The following MCUR1 variants were observed in gnomAD, a reference collection of about 807,000 sequenced individuals.
MCUR1 encodes the protein MCU regulator 1.
A neutral mutation model predicts 42.0 loss-of-function variants in MCUR1; 37 were observed. The ratio of observed to expected loss-of-function variants is 0.88; its 90% CI spans 0.68 to 1.16. The LOEUF (loss-of-function observed/expected upper bound fraction) is 1.16. MCUR1 is among the 50% of genes most tolerant of loss of function. MCUR1 has a pLI of 0.00. For synonymous variants in MCUR1, 229 were observed against 196.2 expected, an observed-to-expected ratio of 1.17 and a Z score of -1.40; for missense variants, 469 against 468.4, an observed-to-expected ratio of 1.00 and a Z score of -0.01.
At chr6:13,807,159 C>T (rs1308202668) in intron 1 of MCUR1, 115 bp from the exon 2 acceptor site, 4 of 1,133,126 alleles carry the variant, frequency 3.5e-6, no homozygotes, top group African/African-American at 1.6e-5. Flanking sequence ...ATAACAGCTT[C>T]GTTGAGATAT....
chr6:13,809,078 T>G (rs774937579), intron 1 of MCUR1, among the ~76,000 whole-genome samples: 1 of 152,172 alleles, frequency 6.6e-6, no homozygotes, highest in Non-Finnish European at 1.5e-5. Flanking sequence ...GCCAAGATTG[T>G]TTAGCTATTC....
At chr6:13,795,916 A>G (rs1044890527) in intron 6 of MCUR1, among the ~76,000 whole-genome samples, 15 of 152,226 alleles carry the variant, frequency 9.9e-5, no homozygotes, top group African/African-American at 2.7e-4. Context: ...AAAAAAGACT[A>G]TAAGAACAAT....
At chr6:13,813,952 A>G (rs1760298325) in intron 1 of MCUR1, 63 bp downstream of exon 1, 1 of 1,220,552 alleles carries the variant, frequency 8.2e-7, no homozygotes. Context: ...TGTAGCTGAG[A>G]TCCCCGCCCC....
chr6:13,805,875 A>C (rs1023066449), intron 2 of MCUR1, among the ~76,000 whole-genome samples: 5 of 152,256 alleles, frequency 3.3e-5, no homozygotes, highest in Admixed American at 2.6e-4. Context: ...TTCTAAGTCT[A>C]AAGTGCATTT....
chr6:13,805,447 T>G (rs1039411139), intron 2 of MCUR1, among the ~76,000 whole-genome samples: 6 of 152,230 alleles, frequency 3.9e-5, no homozygotes, highest in African/African-American at 1.2e-4. Flanking sequence ...AGTTCATTCA[T>G]GCGTATTATC....
At chr6:13,809,205 C>A (rs951108279) in intron 1 of MCUR1, among the ~76,000 whole-genome samples, 2 of 152,144 alleles carry the variant, frequency 1.3e-5, no homozygotes, top group African/African-American at 4.8e-5. Flanking sequence ...AAAAGTACTG[C>A]CACCTTAATA....
intron 3 of MCUR1, 82 bp from the exon 4 acceptor site, chr6:13,801,471 T>C (rs996092323): frequency 2.7e-5 from 25 of 935,586 alleles, no homozygotes; most frequent in African/African-American, 2.6e-4. Flanking sequence ...TATCTTCTTA[T>C]TGAGAAACCA....
intron 1 of MCUR1, among the ~76,000 whole-genome samples, chr6:13,808,068 G>C (rs1246980180): frequency 1.3e-5 from 2 of 152,208 alleles, no homozygotes; most frequent in East Asian, 3.8e-4. Flanking sequence ...GGAGGGCTCT[G>C]TTCATGAATG....
At chr6:13,799,901 G>A (rs761066210) in intron 5 of MCUR1, among the ~76,000 whole-genome samples, 16 of 142,680 alleles carry the variant, frequency 1.1e-4, no homozygotes, top group Admixed American at 6.1e-4. Context: ...GCGCAATCTC[G>A]GCTCACTGCA....
intron 1 of MCUR1, among the ~76,000 whole-genome samples, chr6:13,807,695 T>C (rs1760140964): frequency 6.6e-6 from 1 of 152,216 alleles, no homozygotes; most frequent in East Asian, 1.9e-4. Context: ...TTTTAGCAAC[T>C]GCCAGACTGT....
intron 1 of MCUR1, among the ~76,000 whole-genome samples, chr6:13,813,677 C>A (rs1421375759): frequency 6.6e-6 from 1 of 152,238 alleles, no homozygotes; most frequent in African/African-American, 2.4e-5. Flanking sequence ...GAACGCCCAA[C>A]AGGCTGGGCG....
In MCUR1 at chr6:13,814,043, C is replaced by T. The variant is rs1180941338; in HGVS notation, c.387G>A (p.Pro129=). The T allele has an allele frequency of 8.1e-7, 1 of 1,236,732 alleles. No homozygotes were observed. 76.6% of individuals were successfully genotyped at this position (1,236,732 alleles called of 1,614,324 possible). The change falls in exon 1 of 9, where the codon CCG becomes CCA. Residue 129 remains proline (P), a synonymous_variant. Coordinates refer to ENST00000379170, the MANE Select transcript of MCUR1 (RefSeq NM_001031713.4). ...AAGALPQYHG[P]APALVSCRRE... ...TCCTGCAGGAAACGAGTGCAGGCGCCGGGCCGTGGTACTGGGGAAGGGCGC... is the reference window on the plus strand; with the variant it reads ...TCCTGCAGGAAACGAGTGCAGGCGCTGGGCCGTGGTACTGGGGAAGGGCGC...
At chr6:13,793,990 T>C (rs1244164691) in intron 6 of MCUR1, 43 bp from the exon 7 acceptor site, 2 of 1,570,188 alleles carry the variant, frequency 1.3e-6, no homozygotes, top group Non-Finnish European at 8.8e-7. Flanking sequence ...GATCTACTCC[T>C]CTCTCTTCTC....
Position 13,801,355 on chromosome 6 carries a change from G to A in MCUR1, c.674C>T (p.Ala225Val), listed in dbSNP as rs145895773. The change falls in exon 4 of 9, where the codon GCG (alanine) becomes GTG (valine). Residue 225 changes from alanine (A) to valine (V), a missense_variant. Physicochemically the swap from Ala to Val is moderately conservative, Grantham distance 64 (BLOSUM62 0). Coordinates refer to ENST00000379170, the MANE Select transcript of MCUR1 (RefSeq NM_001031713.4). ...ITFQQVMSQI[A>V]NVKKDMIILE... ...AATAATCATATCCTTTTTCACATTC[G>A]CAATCTGAGACATTACTTGCTGAAA... 9.3e-6 allele frequency: 15 copies of A among 1,611,600 alleles called. No individual in the cohort carries two copies. The highest frequency in any genetic ancestry group is 4.5e-5 in the East Asian group (2 of 44,856).
intron 4 of MCUR1, 101 bp from the exon 5 acceptor site, chr6:13,800,483 T>A (rs981830059): frequency 1.5e-6 from 1 of 667,384 alleles, no homozygotes; most frequent in Non-Finnish European, 2.6e-6. Context: ...CTCAGGTTTT[T>A]CCTTCATTCA....
At position 13,789,636 on chromosome 6, in the gene MCUR1, G is replaced by A. The variant is rs917663457; in HGVS notation, c.*1173C>T. 2 of 152,130 alleles carry A rather than the reference G, an allele frequency of 1.3e-5. No individual in the cohort carries two copies. Among genetic ancestry groups the A allele is most frequent in the African/African-American group, 4.8e-5 (2 of 41,428 alleles). The allele number at this position is 152,130 out of a possible 1,614,324, so 9.4% of individuals were successfully genotyped here. A position where few individuals can be genotyped will look rare whatever the true frequency, so the allele number is the denominator to read the frequency against. ...TTATGAAATATGTATCCATCATCTA[G>A]GTATCTTATACATGGAGAGCTGACT... On this transcript the variant is annotated 3_prime_UTR_variant, in exon 9 of 9. Transcript: ENST00000379170.
intron 4 of MCUR1, among the ~76,000 whole-genome samples, 190 bp downstream of exon 4, chr6:13,801,097 AG>A (rs972660129): frequency 9.2e-5 from 14 of 152,352 alleles, no homozygotes; most frequent in African/African-American, 3.4e-4. Flanking sequence ...CCTCTGGGGC[AG>A]GAGCAACTGA....
chr6:13,809,175 T>TA (rs1352916874), intron 1 of MCUR1, among the ~76,000 whole-genome samples: 1 of 152,242 alleles, frequency 6.6e-6, no homozygotes, highest in African/African-American at 2.4e-5. Context: ...AGGGATGTGT[T>TA]ACATTTGTAG....
chr6:13,806,125 G>A (rs1285340289), intron 2 of MCUR1, among the ~76,000 whole-genome samples: 1 of 151,948 alleles, frequency 6.6e-6, no homozygotes, highest in African/African-American at 2.4e-5. Context: ...GTGGAGGCTC[G>A]TGCCTATAAT....
Sources: allele counts gnomAD v4.1 joint callset (sites outside exome capture counted in the v4.1 genomes callset), GRCh38; gene constraint gnomAD v4.1.1; transcripts MANE v1.5; gene names NCBI Gene and HGNC (gene_info 2026-07-23, HGNC 2026-07-21).